MBOAT2: variants seen among roughly 807,000 people sequenced by gnomAD.
The protein encoded by MBOAT2 is membrane bound glycerophospholipid O-acyltransferase 2.
MBOAT2 carries 28 observed loss-of-function variants against 63.4 expected under a neutral mutation model. That is an observed-to-expected ratio of 0.44 (90% CI 0.33 to 0.61). The LOEUF (loss-of-function observed/expected upper bound fraction) is 0.61. MBOAT2 is among the 20% of genes least tolerant of loss of function. The pLI is 0.03. For synonymous variants in MBOAT2, 211 were observed against 215.6 expected (o/e 0.98, Z 0.19); for missense variants, 470 against 605.8 (o/e 0.78, Z 2.35).
intron 1 of MBOAT2, among the ~76,000 whole-genome samples, chr2:8,988,253 T>A (rs1180153389): frequency 1.3e-5 from 2 of 152,118 alleles, no homozygotes; most frequent in African/African-American, 4.8e-5. Context: ...TTGGTGGAGG[T>A]CAGTGACCAT....
intron 3 of MBOAT2, among the ~76,000 whole-genome samples, chr2:8,921,042 C>T (rs1437414388): frequency 6.6e-6 from 1 of 152,034 alleles, no homozygotes; most frequent in African/African-American, 2.4e-5. Flanking sequence ...TTTTTTTAAT[C>T]CAGTCTGACA....
chr2:8,971,623 G>A lies in MBOAT2; in HGVS notation c.76-12981C>T, dbSNP rs1488846385. On this transcript the variant is annotated intron_variant, in intron 1 of 12. Coordinates refer to ENST00000305997, the MANE Select transcript of MBOAT2 (RefSeq NM_138799.4). ...AATTGTATATTTAGAAAACCCCATC[G>A]TCTCAGCCCAAAATCTCCTTAAGCT... is the stretch of plus-strand genomic sequence containing the variant. Among the ~76,000 whole-genome samples the A allele has an allele frequency of 1.8e-4, 27 of 152,260 alleles. No individual in the cohort carries two copies. In the South Asian group the frequency reaches 4.4e-3, roughly 25 times the overall value.
At chr2:8,902,494 T>C (rs1240410018) in intron 4 of MBOAT2, among the ~76,000 whole-genome samples, 1 of 152,232 alleles carries the variant, frequency 6.6e-6, no homozygotes, top group Non-Finnish European at 1.5e-5. Flanking sequence ...TTCTTCCTTC[T>C]GATGGGTTCG....
chr2:8,871,273 C>T (rs1662311015), intron 8 of MBOAT2, among the ~76,000 whole-genome samples: 1 of 152,160 alleles, frequency 6.6e-6, no homozygotes, highest in Non-Finnish European at 1.5e-5. Flanking sequence ...GCTGGGATTA[C>T]AGGTATGAGC....
intron 1 of MBOAT2, among the ~76,000 whole-genome samples, chr2:8,962,469 G>A (rs1357186307): frequency 1.3e-5 from 2 of 152,198 alleles, no homozygotes; most frequent in African/African-American, 2.4e-5. Context: ...CAGAAGTGAT[G>A]TGTGTTGCTT....
At chr2:8,950,668 C>T (rs1668764286) in intron 2 of MBOAT2, among the ~76,000 whole-genome samples, 1 of 152,126 alleles carries the variant, frequency 6.6e-6, no homozygotes, top group Non-Finnish European at 1.5e-5. Flanking sequence ...ACCTCATGAT[C>T]CACCCGTCTC....
At chr2:8,921,133 A>G (rs1316063668) in intron 3 of MBOAT2, among the ~76,000 whole-genome samples, 4 of 152,162 alleles carry the variant, frequency 2.6e-5, no homozygotes, top group East Asian at 1.9e-4. Context: ...TGTTTTAGCT[A>G]TGTCTCAGGC....
chr2:8,859,212 T>C (rs1183955477), intron 12 of MBOAT2, among the ~76,000 whole-genome samples: 1 of 152,170 alleles, frequency 6.6e-6, no homozygotes, highest in Admixed American at 6.5e-5. Flanking sequence ...TTAATACCGG[T>C]AGCAATCTGA....
intron 4 of MBOAT2, among the ~76,000 whole-genome samples, chr2:8,888,326 G>T (rs1238309589): frequency 1.3e-5 from 2 of 152,132 alleles, no homozygotes; most frequent in African/African-American, 4.8e-5. Context: ...ACCCCTAAAA[G>T]AAATCTCCAG....
intron 4 of MBOAT2, 129 bp downstream of exon 4, chr2:8,908,492 A>T: frequency 1.7e-6 from 1 of 584,964 alleles, no homozygotes; most frequent in African/African-American, 1.9e-5. Context: ...TAAATTTAGA[A>T]AGAAATTTTC....
At chr2:8,878,372 CAA>C (rs1662853585) in intron 6 of MBOAT2, among the ~76,000 whole-genome samples, 1 of 152,216 alleles carries the variant, frequency 6.6e-6, no homozygotes, top group African/African-American at 2.4e-5. Context: ...TAAACCATCA[CAA>C]AGAAAGCACA....
chr2:8,944,957 G>A (rs76180438), intron 2 of MBOAT2, among the ~76,000 whole-genome samples: 1,803 of 152,132 alleles, frequency 0.012, 35 homozygotes, highest in African/African-American at 0.042. Context: ...TCTTAAACAC[G>A]GAAAACACAT....
intron 1 of MBOAT2, among the ~76,000 whole-genome samples, chr2:8,971,489 T>A (rs939055671): frequency 3.3e-5 from 5 of 152,156 alleles, no homozygotes; most frequent in Admixed American, 2.6e-4. Flanking sequence ...CCACTCCTAT[T>A]CAACACAGTG....
At chr2:8,921,807 T>C (rs1363352933) in intron 3 of MBOAT2, among the ~76,000 whole-genome samples, 2 of 152,226 alleles carry the variant, frequency 1.3e-5, no homozygotes, top group Non-Finnish European at 2.9e-5. Flanking sequence ...GCTTTCAAGA[T>C]GTTCTCCTCG....
intron 1 of MBOAT2, among the ~76,000 whole-genome samples, chr2:8,961,075 A>T (rs546227276): frequency 9.2e-5 from 14 of 152,354 alleles, no homozygotes; most frequent in African/African-American, 3.1e-4. Flanking sequence ...AAAACAAGGA[A>T]GTGATGAGAT....
In MBOAT2 at chr2:8,889,214, C is replaced by A. The variant is rs547886036; in HGVS notation, c.396-1141G>T. 4.6e-5 allele frequency among the ~76,000 whole-genome samples: 7 copies of A among 152,296 alleles called. No individual in the cohort carries two copies. The East Asian group carries it at 1.2e-3, about 25-fold the overall frequency. ...CCTGCTCTCTTCCAGCAGTCCACAC[C>A]GCTCAGTGCAGAAGCTCGAACTGCT... On this transcript the variant is annotated intron_variant, in intron 4 of 12. Coordinates refer to ENST00000305997, the MANE Select transcript of MBOAT2 (RefSeq NM_138799.4).
intron 3 of MBOAT2, among the ~76,000 whole-genome samples, chr2:8,929,591 G>A (rs562833715): frequency 5.9e-5 from 9 of 152,244 alleles, no homozygotes; most frequent in South Asian, 2.1e-4. Context: ...GAGCTCAAGC[G>A]ATCTGCCTGC....
intron 2 of MBOAT2, among the ~76,000 whole-genome samples, chr2:8,949,871 A>G (rs548776680): frequency 9.2e-5 from 14 of 152,216 alleles, no homozygotes; most frequent in African/African-American, 3.4e-4. Flanking sequence ...CCAATTCTGT[A>G]AAAAATGACA....
At chr2:8,881,253 G>C (rs1663111732) in intron 6 of MBOAT2, among the ~76,000 whole-genome samples, 2 of 152,154 alleles carry the variant, frequency 1.3e-5, no homozygotes, top group African/African-American at 4.8e-5. Context: ...GGTGGTTGCA[G>C]AATCAAAGTA....
Sources: allele counts gnomAD v4.1 joint callset (sites outside exome capture counted in the v4.1 genomes callset), GRCh38; gene constraint gnomAD v4.1.1; transcripts MANE v1.5; gene names NCBI Gene and HGNC (gene_info 2026-07-23, HGNC 2026-07-21).